SEMA4F: variants seen among roughly 807,000 people sequenced by gnomAD.
SEMA4F encodes the protein semaphorin-4F.
Under a neutral mutation model 78.4 loss-of-function variants are expected in SEMA4F, and 51 were observed. That is an observed-to-expected ratio of 0.65 (90% CI 0.52 to 0.82). The LOEUF (loss-of-function observed/expected upper bound fraction) is 0.82, where lower values mean the gene tolerates loss of function less well. Among genes scored for constraint, SEMA4F ranks in the 40% least tolerant of loss-of-function variants. The probability of loss-of-function intolerance (pLI) is 0.00; values close to 1 mark genes in which losing one functional copy is unlikely to be tolerated. For synonymous variants in SEMA4F, 418 were observed against 408.7 expected, an observed-to-expected ratio of 1.02 and a Z score of -0.27; for missense variants, 938 against 1,014.4, an observed-to-expected ratio of 0.92 and a Z score of 1.02.
At chr2:74,703,572 G>C in the SEMA4F span, among the ~76,000 whole-genome samples, 1 of 152,152 alleles carries the variant, frequency 6.6e-6, no homozygotes, top group African/African-American at 2.4e-5. Context: ...CACTAATCTT[G>C]GCCTTTTCCA....
In SEMA4F at chr2:74,673,538, A is replaced by C; in HGVS notation, c.632A>C (p.Asp211Ala). The C allele has an allele frequency of 1.2e-6, 2 of 1,614,058 alleles. No individual in the cohort carries two copies. The highest frequency in any genetic ancestry group is 1.7e-6 in the Non-Finnish European group (2 of 1,179,996). Residue 211 changes from aspartate (D) to alanine (A), a missense_variant, in exon 6 of 14, where the codon GAC becomes GCC. Asp to Ala is a moderately radical substitution (Grantham distance 126). Transcript: ENST00000357877. Reference sequence around the variant, plus strand: ...ACCAGAGCAGTGGGTCGTGCCGAGGACTGGATTCGGACAGATACCTTGCCT... The same window carrying C: ...ACCAGAGCAGTGGGTCGTGCCGAGGCCTGGATTCGGACAGATACCTTGCCT... Reference protein sequence around the residue: ...IITRAVGRAEDWIRTDTLPSW... With the variant: ...IITRAVGRAEAWIRTDTLPSW...
chr2:74,654,565 C>T (rs1202212174), intron 1 of SEMA4F, 44 bp downstream of exon 1: 2 of 1,459,628 alleles, frequency 1.4e-6, no homozygotes, highest in Non-Finnish European at 1.8e-6. Context: ...GCGCCCACAC[C>T]CACACCCACA....
chr2:74,661,464 G>C (rs952456671), intron 4 of SEMA4F, among the ~76,000 whole-genome samples: 15 of 152,146 alleles, frequency 9.9e-5, no homozygotes, highest in African/African-American at 3.4e-4. Flanking sequence ...TTACTGCCAT[G>C]GTTTAGGTGA....
At chr2:74,687,964 TTAATAA>T (rs1221687754), downstream of SEMA4F, among the ~76,000 whole-genome samples, 2 of 152,078 alleles carry the variant, frequency 1.3e-5, no homozygotes, top group Admixed American at 6.6e-5. Context: ...ATAGTTGCCC[TTAATAA>T]TAATAATAAT....
At chr2:74,691,229 G>T in the SEMA4F span, among the ~76,000 whole-genome samples, 18 of 152,156 alleles carry the variant, frequency 1.2e-4, no homozygotes, top group African/African-American at 4.1e-4. Flanking sequence ...TATGTCAACC[G>T]TAAAAATACA....
At chr2:74,663,476 C>T (rs1684528595) in intron 5 of SEMA4F, among the ~76,000 whole-genome samples, 1 of 152,090 alleles carries the variant, frequency 6.6e-6, no homozygotes, top group Non-Finnish European at 1.5e-5. Context: ...TAAAGAAATA[C>T]CTGAGACAGG....
At position 74,673,862 on chromosome 2, in the gene SEMA4F, T is replaced by G. The variant is rs761928162; in HGVS notation, c.822+34T>G. On this transcript the variant is annotated intron_variant, in intron 7 of 13. Transcript: ENST00000357877. ...CCATCCCAGCTGTCTGTCTGTCATC[T>G]CCTGCTCTGTCTGTCCCCCGTCTTA... 1.0e-5 allele frequency: 16 copies of G among 1,597,212 alleles called. No individual in the cohort carries two copies. The Admixed American group carries it at 2.5e-4, about 25-fold the overall frequency.
chr2:74,690,088 T>C, the SEMA4F span, among the ~76,000 whole-genome samples: 1 of 152,122 alleles, frequency 6.6e-6, no homozygotes, highest in Non-Finnish European at 1.5e-5. Flanking sequence ...CTGAGTCCCA[T>C]AATAAGTTCT....
chr2:74,704,718 G>A, the SEMA4F span, among the ~76,000 whole-genome samples: 12 of 152,044 alleles, frequency 7.9e-5, no homozygotes, highest in East Asian at 1.9e-4. Context: ...TTAGCCAGAC[G>A]TCTCCAATAA....
intron 5 of SEMA4F, among the ~76,000 whole-genome samples, chr2:74,671,605 A>C (rs1481118667): frequency 6.6e-6 from 1 of 152,176 alleles, no homozygotes; most frequent in East Asian, 1.9e-4. Flanking sequence ...TCATGTCATG[A>C]CTTAAGCATG....
chr2:74,679,234 GA>G, intron 12 of SEMA4F, 41 bp from the exon 13 acceptor site: 1 of 1,450,696 alleles, frequency 6.9e-7, no homozygotes, highest in Non-Finnish European at 9.7e-7. Context: ...GGGTTGAAGG[GA>G]ATGTTCACAC....
At chr2:74,664,435 T>A (rs1342210308) in intron 5 of SEMA4F, among the ~76,000 whole-genome samples, 1 of 151,082 alleles carries the variant, frequency 6.6e-6, no homozygotes, top group Non-Finnish European at 1.5e-5. Context: ...GTAATGAACA[T>A]CTTTGTGCAT....
At chr2:74,655,013 A>G (rs1684050826) in intron 1 of SEMA4F, among the ~76,000 whole-genome samples, 1 of 152,132 alleles carries the variant, frequency 6.6e-6, no homozygotes, top group South Asian at 2.1e-4. Context: ...TCCGATCTCC[A>G]GGTCAGCATT....
the SEMA4F span, among the ~76,000 whole-genome samples, chr2:74,703,945 C>T: frequency 6.6e-6 from 1 of 152,164 alleles, no homozygotes; most frequent in Non-Finnish European, 1.5e-5. Flanking sequence ...AGAACACAGA[C>T]ACGAACCTTG....
chr2:74,692,806 G>A, the SEMA4F span, among the ~76,000 whole-genome samples: 1 of 152,238 alleles, frequency 6.6e-6, no homozygotes, highest in Non-Finnish European at 1.5e-5. Context: ...GAGTGAGTTG[G>A]AAAGTGGCCT....
At position 74,654,833 on chromosome 2, in the gene SEMA4F, G is replaced by T. The variant is rs192901797; in HGVS notation, c.145+312G>T. On this transcript the variant is annotated intron_variant, in intron 1 of 13. Transcript: ENST00000357877. ...CGTCCAGTCCTCACCGTGCAGACTC[G>T]GACACTGAGGCCCAGAGCTCGGGTG... Among the ~76,000 whole-genome samples the T allele has an allele frequency of 2.0e-4, 30 of 152,292 alleles. 1 individual carries two copies. In the East Asian group the frequency reaches 5.0e-3, roughly 25 times the overall value.
rs933101258 is a variant in SEMA4F at position 74,680,135 on chromosome 2, G to A, written c.2239G>A (p.Asp747Asn). 11 of 1,609,602 alleles carry A rather than the reference G, an allele frequency of 6.8e-6. No homozygotes were observed. Among genetic ancestry groups the A allele is most frequent in the Non-Finnish European group, 9.3e-6 (11 of 1,176,504 alleles). The change falls in exon 14 of 14, where the codon GAT becomes AAT. Residue 747 changes from aspartate to asparagine, a missense_variant. Physicochemically the swap from Asp to Asn is conservative, Grantham distance 23. Coordinates refer to ENST00000357877, the MANE Select transcript of SEMA4F (RefSeq NM_004263.5). ...TGGATTCTCACCACCCTTCCTGCTTGATCCTTGCCCAAGCCCAGCCCACAT... is the reference window on the plus strand; with the variant it reads ...TGGATTCTCACCACCCTTCCTGCTTAATCCTTGCCCAAGCCCAGCCCACAT... ...FGGFSPPFLL[D>N]PCPSPAHIRL...
At chr2:74,656,796 G>A (rs1684169085) in intron 2 of SEMA4F, 111 bp downstream of exon 2, 2 of 1,211,032 alleles carry the variant, frequency 1.7e-6, no homozygotes, top group South Asian at 1.4e-5. Context: ...AACAGCAGGG[G>A]TAGTAGGAGG....
the SEMA4F span, among the ~76,000 whole-genome samples, chr2:74,707,412 G>A: frequency 6.6e-6 from 1 of 151,878 alleles, no homozygotes; most frequent in Non-Finnish European, 1.5e-5. Context: ...TAAAACAAAT[G>A]AGGCAAAATA....
Sources: gnomAD v4.1 joint callset for allele counts (sites outside exome capture counted in the v4.1 genomes callset) on GRCh38, gnomAD v4.1.1 for gene constraint, MANE v1.5 for transcripts, NCBI Gene and HGNC (gene_info 2026-07-23, HGNC 2026-07-21) for gene names.